The following GRM7 variants were observed in gnomAD, a reference collection of about 807,000 sequenced individuals.
The protein encoded by GRM7 is glutamate metabotropic receptor 7.
Under a neutral mutation model 84.5 loss-of-function variants are expected in GRM7, and 35 were observed. That is an observed-to-expected ratio of 0.41 (90% CI 0.32 to 0.55). The LOEUF is 0.55. GRM7 is among the 20% of genes least tolerant of loss of function. The probability of loss-of-function intolerance (pLI) is 0.19; values close to 1 mark genes in which losing one functional copy is unlikely to be tolerated. For missense variants in GRM7, 1,003 were observed against 1,194.6 expected (o/e 0.84, Z 2.36); for synonymous variants, 487 against 455.1 (o/e 1.07, Z -0.89).
intron 2 of GRM7, among the ~76,000 whole-genome samples, chr3:7,190,356 G>C (rs1201084668): frequency 6.6e-6 from 1 of 151,926 alleles, no homozygotes; most frequent in Non-Finnish European, 1.5e-5. Flanking sequence ...TGTTTCTTCT[G>C]GTAATGTGCC....
At chr3:7,567,502 C>T (rs1049113910) in intron 7 of GRM7, among the ~76,000 whole-genome samples, 2 of 152,060 alleles carry the variant, frequency 1.3e-5, no homozygotes, top group African/African-American at 4.8e-5. Flanking sequence ...AATCCTAGCA[C>T]TTTGAGAGGC....
At chr3:7,509,349 T>G (rs771635943) in intron 7 of GRM7, among the ~76,000 whole-genome samples, 8 of 152,312 alleles carry the variant, frequency 5.3e-5, no homozygotes, top group Non-Finnish European at 1.0e-4. Context: ...ATCTTAGGTA[T>G]TCACATACAG....
intron 7 of GRM7, chr3:7,535,309 G>T (rs1021628847): frequency 2.6e-5 from 4 of 151,812 alleles, no homozygotes; most frequent in Non-Finnish European, 5.9e-5. Flanking sequence ...AAAAGAAAAA[G>T]AAAAAAATAA....
intron 1 of GRM7, among the ~76,000 whole-genome samples, chr3:6,941,273 C>T (rs549077413): frequency 2.0e-5 from 3 of 152,184 alleles, no homozygotes; most frequent in Non-Finnish European, 4.4e-5. Flanking sequence ...TCTTGAAGAA[C>T]TTTTAAAGTA....
intron 4 of GRM7, among the ~76,000 whole-genome samples, chr3:7,349,218 T>A (rs1336899553): frequency 6.6e-6 from 1 of 152,124 alleles, no homozygotes; most frequent in Non-Finnish European, 1.5e-5. Flanking sequence ...TCGTTGTAGT[T>A]TGATTTTCCT....
chr3:7,522,716 C>T (rs868615), intron 7 of GRM7, among the ~76,000 whole-genome samples: 18 of 151,988 alleles, frequency 1.2e-4, no homozygotes, highest in Admixed American at 2.0e-4. Context: ...CAGGCTGGTA[C>T]GTGGCAGAAT....
intron 8 of GRM7, among the ~76,000 whole-genome samples, chr3:7,654,149 G>C (rs1239971673): frequency 6.6e-6 from 1 of 152,106 alleles, no homozygotes; most frequent in East Asian, 1.9e-4. Flanking sequence ...AGCTCATAGA[G>C]TCTTATGGCA....
chr3:7,256,096 C>T (rs978919043), intron 2 of GRM7, among the ~76,000 whole-genome samples: 43 of 152,244 alleles, frequency 2.8e-4, no homozygotes, highest in African/African-American at 1.0e-3. Flanking sequence ...CACACTTTCC[C>T]CCTTCCAGAG....
intron 4 of GRM7, among the ~76,000 whole-genome samples, chr3:7,413,428 A>G (rs558274357): frequency 5.9e-4 from 90 of 152,366 alleles, no homozygotes; most frequent in African/African-American, 2.0e-3. Flanking sequence ...CTATAAGAAT[A>G]AACAGACTCT....
At chr3:7,354,445 G>A (rs1330907310) in intron 4 of GRM7, among the ~76,000 whole-genome samples, 2 of 152,098 alleles carry the variant, frequency 1.3e-5, no homozygotes, top group Admixed American at 6.6e-5. Context: ...CTTAGCTGCT[G>A]GCAAAATCCC....
intron 4 of GRM7, among the ~76,000 whole-genome samples, chr3:7,401,801 A>G (rs1695463699): frequency 1.3e-5 from 2 of 152,122 alleles, no homozygotes; most frequent in Non-Finnish European, 2.9e-5. Context: ...CTTCTTGGCC[A>G]TCTCCTTGAG....
intron 1 of GRM7, among the ~76,000 whole-genome samples, chr3:6,940,345 C>T (rs567606181): frequency 6.6e-6 from 1 of 152,284 alleles, no homozygotes; most frequent in South Asian, 2.1e-4. Context: ...CCATCTCGGC[C>T]TCCGAAAGTG....
At chr3:7,628,230 T>C (rs1017405336) in intron 8 of GRM7, among the ~76,000 whole-genome samples, 1 of 152,182 alleles carries the variant, frequency 6.6e-6, no homozygotes, top group African/African-American at 2.4e-5. Flanking sequence ...AGCTAATTGA[T>C]TTGACACACT....
At chr3:7,685,969 T>G (rs541379568) in intron 9 of GRM7, among the ~76,000 whole-genome samples, 1 of 152,256 alleles carries the variant, frequency 6.6e-6, no homozygotes, top group African/African-American at 2.4e-5. Context: ...ATTCTCAACA[T>G]TATGTTACTT....
chr3:7,437,595 T>G (rs1697111231), intron 5 of GRM7, among the ~76,000 whole-genome samples: 1 of 152,156 alleles, frequency 6.6e-6, no homozygotes, highest in Non-Finnish European at 1.5e-5. Context: ...ATGTTTATTG[T>G]CTCTATTATT....
chr3:7,371,154 G>A (rs1694113898), intron 4 of GRM7, among the ~76,000 whole-genome samples: 1 of 151,952 alleles, frequency 6.6e-6, no homozygotes, highest in African/African-American at 2.4e-5. Flanking sequence ...TGTAGTAAAG[G>A]ACCATTTTAA....
intron 4 of GRM7, among the ~76,000 whole-genome samples, chr3:7,361,497 C>T (rs1274077809): frequency 6.6e-6 from 1 of 152,040 alleles, no homozygotes; most frequent in Admixed American, 6.6e-5. Context: ...GTTTGCTTTT[C>T]CAGTTTCCTA....
chr3:7,591,927 G>A (rs1175234528), intron 8 of GRM7, among the ~76,000 whole-genome samples: 1 of 152,032 alleles, frequency 6.6e-6, no homozygotes, highest in African/African-American at 2.4e-5. Context: ...TCTGGGATAC[G>A]GACAATAAAA....
chr3:6,940,473 T>C (rs1356250863), intron 1 of GRM7, among the ~76,000 whole-genome samples: 2 of 152,232 alleles, frequency 1.3e-5, no homozygotes, highest in Non-Finnish European at 2.9e-5. Context: ...CTCACACCTA[T>C]AATTCTGGTC....
Sources: gnomAD v4.1 joint callset for allele counts (sites outside exome capture counted in the v4.1 genomes callset) on GRCh38, gnomAD v4.1.1 for gene constraint, MANE v1.5 for transcripts, NCBI Gene and HGNC (gene_info 2026-07-23, HGNC 2026-07-21) for gene names.